Variants in FBN2 observed in about 807,000 individuals in gnomAD.
FBN2 encodes fibrillin-2.
FBN2 carries 105 observed loss-of-function variants against 355.6 expected under a neutral mutation model. The observed-to-expected ratio is 0.30, with a 90% CI of 0.25 to 0.35. The LOEUF (loss-of-function observed/expected upper bound fraction) is 0.35, where lower values mean the gene tolerates loss of function less well. Ranked by LOEUF, FBN2 falls within the 10% of genes least tolerant of loss-of-function variation. The pLI is 1.00. For synonymous variants in FBN2, 1,350 were observed against 1,301.2 expected, an observed-to-expected ratio of 1.04 and a Z score of -0.81; for missense variants, 3,280 against 3,758.7, an observed-to-expected ratio of 0.87 and a Z score of 3.33.
intron 34 of FBN2, among the ~76,000 whole-genome samples, chr5:128,323,622 T>G (rs1483780096): frequency 6.6e-6 from 1 of 152,254 alleles, no homozygotes; most frequent in East Asian, 1.9e-4. Context: ...GAACCGGCCT[T>G]GCATCCCAGG....
intron 8 of FBN2, among the ~76,000 whole-genome samples, chr5:128,406,615 G>A (rs1166807326): frequency 1.3e-5 from 2 of 152,158 alleles, no homozygotes; most frequent in Non-Finnish European, 2.9e-5. Flanking sequence ...TCTGATAACT[G>A]AGATGGCTAC....
At chr5:128,479,118 T>G (rs1013069381) in intron 5 of FBN2, among the ~76,000 whole-genome samples, 2 of 152,210 alleles carry the variant, frequency 1.3e-5, no homozygotes, top group Non-Finnish European at 2.9e-5. Context: ...AACTTTAGAA[T>G]CTTGTGACAT....
In FBN2 at chr5:128,274,030, T is replaced by C. The variant is rs906562107; in HGVS notation, c.7712-62A>G. 16 of 1,599,122 alleles carry C rather than the reference T, an allele frequency of 1.0e-5. No homozygotes were observed. The African/African-American group carries it at 1.6e-4, about 16-fold the overall frequency. On this transcript the variant is annotated intron_variant, in intron 60 of 64. Transcript: ENST00000262464. ...CAATCATAACATGTCTTACGTTTCA[T>C]GGGAAGTAAAAAGCAATGTATGAAA...
intron 39 of FBN2, among the ~76,000 whole-genome samples, chr5:128,310,861 TG>T (rs1462398519): frequency 7.2e-5 from 11 of 152,078 alleles, no homozygotes; most frequent in Admixed American, 2.0e-4. Context: ...TGTGATCAAG[TG>T]GGGGGATGGA....
chr5:128,337,965 G>A, intron 27 of FBN2, 32 bp downstream of exon 27: 1 of 1,612,494 alleles, frequency 6.2e-7, no homozygotes, highest in South Asian at 1.1e-5. Flanking sequence ...AGTTGTGCTG[G>A]GCAGGTTTAT....
intron 49 of FBN2, 135 bp from the exon 50 acceptor site, chr5:128,291,019 T>G (rs1004404919): frequency 6.8e-6 from 5 of 734,624 alleles, no homozygotes; most frequent in Non-Finnish European, 1.2e-5. Context: ...ATTGCTGATT[T>G]CATTTGCCAA....
chr5:128,388,332 C>T (rs565256772), intron 11 of FBN2, among the ~76,000 whole-genome samples: 2 of 152,138 alleles, frequency 1.3e-5, no homozygotes, highest in Non-Finnish European at 2.9e-5. Flanking sequence ...GCATTTAGCC[C>T]GTTCATTTTC....
At chr5:128,443,356 T>C (rs1753972473) in intron 7 of FBN2, among the ~76,000 whole-genome samples, 2 of 152,212 alleles carry the variant, frequency 1.3e-5, no homozygotes, top group Non-Finnish European at 2.9e-5. Flanking sequence ...TACCTTCCAT[T>C]TGGACCTTCA....
intron 7 of FBN2, among the ~76,000 whole-genome samples, chr5:128,411,401 G>A (rs1303307070): frequency 6.6e-6 from 1 of 152,170 alleles, no homozygotes; most frequent in African/African-American, 2.4e-5. Context: ...GGATTTTATT[G>A]AGCGATGGAA....
intron 48 of FBN2, among the ~76,000 whole-genome samples, chr5:128,292,045 T>C (rs1173398738): frequency 6.6e-6 from 1 of 152,008 alleles, no homozygotes; most frequent in African/African-American, 2.4e-5. Context: ...TCACCCCTAT[T>C]TCTCTCCTTT....
At chr5:128,395,699 C>A (rs1358051682) in intron 8 of FBN2, among the ~76,000 whole-genome samples, 1 of 152,108 alleles carries the variant, frequency 6.6e-6, no homozygotes, top group Non-Finnish European at 1.5e-5. Context: ...AGGGCATGAG[C>A]CATGGAAGTA....
At chr5:128,536,563 C>G in intron 1 of FBN2, 79 bp from the exon 2 acceptor site, 1 of 947,602 alleles carries the variant, frequency 1.1e-6, no homozygotes, top group South Asian at 1.4e-5. Flanking sequence ...TAAGCAATGC[C>G]CCGAGCGAGT....
At chr5:128,304,916 C>A (rs1006038339) in intron 45 of FBN2, 41 bp downstream of exon 45, 8 of 1,613,410 alleles carry the variant, frequency 5.0e-6, no homozygotes, top group Non-Finnish European at 6.8e-6. Context: ...TTCTGGAACC[C>A]CAGCCCCACT....
intron 25 of FBN2, among the ~76,000 whole-genome samples, chr5:128,342,322 C>G (rs1455371397): frequency 6.6e-6 from 1 of 151,860 alleles, no homozygotes; most frequent in Non-Finnish European, 1.5e-5. Flanking sequence ...AAGAAAATCT[C>G]AAGGAGAGAT....
intron 5 of FBN2, among the ~76,000 whole-genome samples, chr5:128,500,856 AAAAAACAAAAAC>A (rs895245187): frequency 6.6e-5 from 10 of 152,196 alleles, no homozygotes; most frequent in East Asian, 5.8e-4. Flanking sequence ...GCATTCGAAG[AAAAAACAAAAAC>A]AAAAACAAAA....
chr5:128,430,614 C>T (rs768353774), intron 7 of FBN2, among the ~76,000 whole-genome samples: 20 of 152,128 alleles, frequency 1.3e-4, no homozygotes, highest in African/African-American at 2.7e-4. Flanking sequence ...GAGGCTGAGG[C>T]GAGTGGATCA....
chr5:128,449,849 T>C (rs1041741957), intron 6 of FBN2, among the ~76,000 whole-genome samples: 1 of 151,968 alleles, frequency 6.6e-6, no homozygotes, highest in African/African-American at 2.4e-5. Context: ...AAAAGATATA[T>C]TAAGAATTCA....
At chr5:128,362,523 C>A (rs153995) in intron 18 of FBN2, among the ~76,000 whole-genome samples, 25,669 of 152,158 alleles carry the variant, frequency 0.17, 2,640 homozygotes, top group Admixed American at 0.3. Context: ...TGCACTGGTG[C>A]GATCACAGCT....
chr5:128,511,585 G>A (rs377422828), intron 5 of FBN2, among the ~76,000 whole-genome samples: 1 of 152,104 alleles, frequency 6.6e-6, no homozygotes, highest in African/African-American at 2.4e-5. Flanking sequence ...AAACACAAAG[G>A]CAATTTTAGA....
Sources: allele counts gnomAD v4.1 joint callset (sites outside exome capture counted in the v4.1 genomes callset), GRCh38; gene constraint gnomAD v4.1.1; transcripts MANE v1.5; gene names NCBI Gene and HGNC (gene_info 2026-07-23, HGNC 2026-07-21).